Variants in DLEC1 observed in about 807,000 individuals in gnomAD.
DLEC1 encodes deleted in lung and esophageal cancer protein 1.
In DLEC1, 146 loss-of-function variants were observed where a neutral mutation model predicts 198.1. That is an observed-to-expected ratio of 0.74 (90% CI 0.64 to 0.85). The LOEUF (loss-of-function observed/expected upper bound fraction) is 0.85. DLEC1 is among the 40% of genes least tolerant of loss of function. The probability of loss-of-function intolerance (pLI) is 0.00; values close to 1 mark genes in which losing one functional copy is unlikely to be tolerated. For missense variants in DLEC1, 2,233 were observed against 2,220.0 expected, an observed-to-expected ratio of 1.01 and a Z score of -0.12; for synonymous variants, 897 against 866.8, an observed-to-expected ratio of 1.03 and a Z score of -0.61.
chr3:38,114,883 G>A, intron 26 of DLEC1, 100 bp from the exon 27 acceptor site: 5 of 1,010,288 alleles, frequency 4.9e-6, no homozygotes, highest in Non-Finnish European at 7.6e-6. Context: ...AGACCACTGT[G>A]GTATTTCCCC....
chr3:38,059,804 C>A lies in DLEC1; in HGVS notation c.625C>A (p.Pro209Thr). ...GCTACGGAAACATCATTTGATCTCC[C>A]CAGAAGATTACTACACCGATACAGT... is the stretch of plus-strand genomic sequence containing the variant. ...ELLRKHHLIS[P>T]EDYYTDTVPF... The change falls in exon 3 of 37, where the codon CCA becomes ACA. Residue 209 changes from proline (P) to threonine (T), a missense_variant. Transcript: ENST00000308059. 1 of 1,614,158 alleles carries A rather than the reference C, an allele frequency of 6.2e-7. No homozygotes were observed.
chr3:38,059,430 G>A (rs959528744), intron 2 of DLEC1, among the ~76,000 whole-genome samples: 3 of 152,210 alleles, frequency 2.0e-5, no homozygotes, highest in African/African-American at 2.4e-5. Flanking sequence ...CAAGGGCCTG[G>A]ATATAGACAG....
intron 10 of DLEC1, among the ~76,000 whole-genome samples, chr3:38,091,097 A>G (rs1698722982): frequency 6.6e-6 from 1 of 152,242 alleles, no homozygotes; most frequent in African/African-American, 2.4e-5. Flanking sequence ...AAAATGTAAA[A>G]CTACTAGAAG....
rs141021548 is a variant in DLEC1, at chr3:38,042,516, C to A, written c.411+2880C>A. Among the ~76,000 whole-genome samples the A allele has an allele frequency of 5.3e-3, 798 of 149,462 alleles. 11 individuals carry two copies. Among genetic ancestry groups the A allele is most frequent in the African/African-American group, 0.018 (715 of 40,702 alleles). On this transcript the variant is annotated intron_variant, in intron 1 of 36. Transcript: ENST00000308059. ...ACAAAAAAAGAAACTTTGAAAAGAGCAGGCATCTGTTATTCCACTTCTGTA... is the reference window on the plus strand; with the variant it reads ...ACAAAAAAAGAAACTTTGAAAAGAGAAGGCATCTGTTATTCCACTTCTGTA...
chr3:38,109,046 T>C (rs1037475306), intron 21 of DLEC1, among the ~76,000 whole-genome samples: 4 of 152,190 alleles, frequency 2.6e-5, no homozygotes, highest in African/African-American at 4.8e-5. Flanking sequence ...CTGGCAAATA[T>C]GGGGATGGCC....
Position 38,092,835 on chromosome 3 carries a change from A to G in DLEC1, c.1711A>G (p.Ile571Val). Residue 571 changes from isoleucine to valine, a missense_variant, in exon 11 of 37, where the codon ATC becomes GTC. Ile to Val is a conservative substitution (Grantham distance 29, BLOSUM62 3). Transcript: ENST00000308059. ...KSLGKAEQTF[I>V]IMCDNCQIKE... is the part of the protein sequence containing the mutation. ...CCTAGGAAAGGCAGAGCAGACCTTC[A>G]TCATCATGTGCGACAACTGCCAGAT... is the stretch of plus-strand genomic sequence containing the variant. 1.2e-6 allele frequency: 2 copies of G among 1,614,186 alleles called. No homozygotes were observed. The highest frequency in any genetic ancestry group is 1.1e-5 in the South Asian group (1 of 91,082).
At chr3:38,111,774 G>GGGCCCA (rs1429998560) in intron 24 of DLEC1, 27 bp downstream of exon 24, 1 of 1,604,054 alleles carries the variant, frequency 6.2e-7, no homozygotes, top group Non-Finnish European at 8.5e-7. Context: ...TGGGGCTTCG[G>GGGCCCA]GGCCCAGGCC....
At chr3:38,076,173 T>C (rs62240697) in intron 6 of DLEC1, among the ~76,000 whole-genome samples, 44,538 of 147,114 alleles carry the variant, frequency 0.3, 2,863 homozygotes, top group East Asian at 0.44. Flanking sequence ...GAGAAAGAGG[T>C]TGAGGGATAG....
At chr3:38,052,460 G>A in intron 2 of DLEC1, 1 of 209,084 alleles carries the variant, frequency 4.8e-6, no homozygotes, top group South Asian at 8.2e-5. Flanking sequence ...AACGAAGAGG[G>A]AGCTGAAACC....
intron 34 of DLEC1, 136 bp from the exon 35 acceptor site, chr3:38,121,492 G>A (rs1013929038): frequency 2.7e-6 from 3 of 1,111,360 alleles, no homozygotes; most frequent in African/African-American, 1.6e-5. Flanking sequence ...AGGTGGCGCT[G>A]GTCCCCTGCC....
chr3:38,086,512 G>C (rs77108694), intron 9 of DLEC1, 135 bp downstream of exon 9: 66,646 of 1,195,432 alleles, frequency 0.056, 2,192 homozygotes, highest in Middle Eastern at 0.13. Context: ...CTATGCAACT[G>C]CCACAACCCG....
chr3:38,114,514 G>A (rs572034484), intron 26 of DLEC1, 54 bp downstream of exon 26: 124 of 1,575,858 alleles, frequency 7.9e-5, no homozygotes, highest in African/African-American at 7.8e-4. Context: ...GAAACCCTCC[G>A]GCCTCCGGGC....
rs751127131 is a variant in DLEC1 at position 38,109,442 on chromosome 3, C to T, written c.3140C>T (p.Thr1047Ile). ...TGGGCTTTCTTATAGGAAGAGCTGACCCATCTGGCCCTCCCTTGTCACGTG... is the reference window on the plus strand; with the variant it reads ...TGGGCTTTCTTATAGGAAGAGCTGATCCATCTGGCCCTCCCTTGTCACGTG... ...ELTAHTQEEL[T>I]HLALPCHVSG... Residue 1047 changes from threonine to isoleucine, a missense_variant, in exon 22 of 37, where the codon ACC (threonine) becomes ATC (isoleucine). Thr to Ile is a moderately conservative substitution (Grantham distance 89). Transcript: ENST00000308059. 2 of 1,614,192 alleles carry T rather than the reference C, an allele frequency of 1.2e-6. No homozygotes were observed. The highest frequency in any genetic ancestry group is 1.7e-6 in the Non-Finnish European group (2 of 1,179,998).
chr3:38,107,961 C>G (rs537235705), intron 20 of DLEC1, among the ~76,000 whole-genome samples: 15 of 152,306 alleles, frequency 9.8e-5, no homozygotes, highest in African/African-American at 2.9e-4. Context: ...GTTCCCTGAC[C>G]AAGAAGGAGT....
intron 8 of DLEC1, 60 bp from the exon 9 acceptor site, chr3:38,086,181 A>T: frequency 6.4e-7 from 1 of 1,551,990 alleles, no homozygotes; most frequent in South Asian, 1.3e-5. Flanking sequence ...GAAGCATGAC[A>T]GTAGGGCCTA....
chr3:38,111,215 A>ACC (rs1215711178), intron 23 of DLEC1, among the ~76,000 whole-genome samples: 1 of 152,174 alleles, frequency 6.6e-6, no homozygotes, highest in East Asian at 1.9e-4. Flanking sequence ...GTGGAAGGCG[A>ACC]CCCATGAACA....
intron 6 of DLEC1, among the ~76,000 whole-genome samples, chr3:38,080,126 G>A (rs561217335): frequency 6.6e-6 from 1 of 152,288 alleles, no homozygotes; most frequent in South Asian, 2.1e-4. Context: ...TTGGGATAAA[G>A]AAAAAGGAGC....
chr3:38,109,656 G>T, intron 22 of DLEC1, 94 bp downstream of exon 22: 2 of 1,576,126 alleles, frequency 1.3e-6, no homozygotes, highest in Non-Finnish European at 8.6e-7. Context: ...ATCAGTCTGC[G>T]CCCATCTGAT....
intron 6 of DLEC1, among the ~76,000 whole-genome samples, chr3:38,076,683 A>G (rs1189432599): frequency 6.6e-6 from 1 of 152,248 alleles, no homozygotes; most frequent in Non-Finnish European, 1.5e-5. Flanking sequence ...CCATCTGGGC[A>G]TATACATGCA....
Sources: allele counts gnomAD v4.1 joint callset (sites outside exome capture counted in the v4.1 genomes callset), GRCh38; gene constraint gnomAD v4.1.1; transcripts MANE v1.5; gene names NCBI Gene and HGNC (gene_info 2026-07-23, HGNC 2026-07-21).